MAF: variants seen among roughly 807,000 people sequenced by gnomAD.
The protein encoded by MAF is transcription factor Maf.
A neutral mutation model predicts 22.0 loss-of-function variants in MAF; 10 were observed. The observed-to-expected ratio is 0.45, with a 90% CI of 0.28 to 0.77. The LOEUF is 0.77. Ranked by LOEUF, MAF falls within the 30% of genes least tolerant of loss-of-function variation. The probability of loss-of-function intolerance (pLI) is 0.12; values close to 1 mark genes in which losing one functional copy is unlikely to be tolerated. For synonymous variants in MAF, 337 were observed against 255.8 expected, an observed-to-expected ratio of 1.32 and a Z score of -3.03; for missense variants, 544 against 548.4, an observed-to-expected ratio of 0.99 and a Z score of 0.08.
chr16:79,210,102 A>T, the MAF span, among the ~76,000 whole-genome samples: 4 of 152,204 alleles, frequency 2.6e-5, no homozygotes, highest in Admixed American at 2.6e-4. Flanking sequence ...GCCAGTTATT[A>T]TCAAAACCCA....
chr16:79,205,053 T>A, the MAF span: 2 of 152,220 alleles, frequency 1.3e-5, no homozygotes, highest in African/African-American at 2.4e-5. Context: ...GCATCATATT[T>A]GGGATGGCTG....
chr16:79,482,077 A>G, the MAF span, among the ~76,000 whole-genome samples: 1 of 152,146 alleles, frequency 6.6e-6, no homozygotes, highest in Non-Finnish European at 1.5e-5. Context: ...AAAGAAAAAG[A>G]GATGTGAAAA....
chr16:79,399,136 C>A, the MAF span, among the ~76,000 whole-genome samples: 3 of 152,188 alleles, frequency 2.0e-5, no homozygotes, highest in African/African-American at 7.2e-5. Flanking sequence ...AATGGACAGA[C>A]CTGCCATTGA....
chr16:79,433,277 AATATAT>A, the MAF span, among the ~76,000 whole-genome samples: 9 of 118,926 alleles, frequency 7.6e-5, no homozygotes, highest in Admixed American at 1.6e-4. Flanking sequence ...TAAAAAAAAA[AATATAT>A]ATATATATAT....
At chr16:79,252,497 T>C in the MAF span, among the ~76,000 whole-genome samples, 2 of 152,130 alleles carry the variant, frequency 1.3e-5, no homozygotes, top group African/African-American at 4.8e-5. Flanking sequence ...CGATTTTTTT[T>C]CTTTTTTTTC....
chr16:79,297,589 C>T, the MAF span, among the ~76,000 whole-genome samples: 2 of 152,196 alleles, frequency 1.3e-5, no homozygotes, highest in Non-Finnish European at 2.9e-5. Context: ...TCAGGACTCT[C>T]CTTATAGATT....
At chr16:79,464,769 A>G in the MAF span, among the ~76,000 whole-genome samples, 4 of 152,170 alleles carry the variant, frequency 2.6e-5, no homozygotes, top group African/African-American at 7.2e-5. Flanking sequence ...CCAAAATTAG[A>G]CACGTCCCTG....
the MAF span, among the ~76,000 whole-genome samples, chr16:79,211,343 ATTTAT>A: frequency 6.6e-6 from 1 of 152,082 alleles, no homozygotes; most frequent in Non-Finnish European, 1.5e-5. Context: ...TGATATGTGT[ATTTAT>A]TTTCCAAGCC....
the MAF span, among the ~76,000 whole-genome samples, chr16:79,286,475 A>C: frequency 6.6e-6 from 1 of 152,190 alleles, no homozygotes; most frequent in Non-Finnish European, 1.5e-5. Flanking sequence ...TTCTTGATAC[A>C]TTTGGCAGTA....
the MAF span, among the ~76,000 whole-genome samples, chr16:79,575,991 T>C: frequency 1.3e-5 from 2 of 152,034 alleles, no homozygotes; most frequent in Non-Finnish European, 2.9e-5. Flanking sequence ...AGGGAGCCTA[T>C]GAACACAGTA....
At chr16:79,456,472 C>T in the MAF span, among the ~76,000 whole-genome samples, 3 of 152,200 alleles carry the variant, frequency 2.0e-5, no homozygotes, top group South Asian at 2.1e-4. Flanking sequence ...CAGGGGTCCA[C>T]ATAATCCAGT....
chr16:79,532,956 C>A, the MAF span, among the ~76,000 whole-genome samples: 1 of 152,274 alleles, frequency 6.6e-6, no homozygotes, highest in East Asian at 1.9e-4. Context: ...GGGTCTTTGC[C>A]GACATCTGAC....
the MAF span, among the ~76,000 whole-genome samples, chr16:79,571,497 T>G: frequency 6.6e-6 from 1 of 150,594 alleles, no homozygotes; most frequent in East Asian, 1.9e-4. Context: ...GGTGCAGTAT[T>G]AGCATACTAC....
the MAF span, among the ~76,000 whole-genome samples, chr16:79,333,423 A>C: frequency 6.6e-6 from 1 of 152,166 alleles, no homozygotes; most frequent in Non-Finnish European, 1.5e-5. Flanking sequence ...CAGACCAAAG[A>C]GGACATGACA....
chr16:79,250,588 G>A, the MAF span, among the ~76,000 whole-genome samples: 1 of 152,158 alleles, frequency 6.6e-6, no homozygotes, highest in Non-Finnish European at 1.5e-5. Flanking sequence ...GCTTGGGGAA[G>A]GCTCTACTTC....
At chr16:79,597,047 A>T in intron 1 of MAF, 8 of 1,057,290 alleles carry the variant, frequency 7.6e-6, no homozygotes, top group Non-Finnish European at 9.2e-6. Flanking sequence ...TTTTCAATAC[A>T]GTCAGTGGTA....
chr16:79,213,237 G>C, the MAF span, among the ~76,000 whole-genome samples: 2 of 152,186 alleles, frequency 1.3e-5, no homozygotes, highest in Admixed American at 6.5e-5. Context: ...GATCATGGCA[G>C]CTTCAGGCCA....
At chr16:79,474,599 T>A in the MAF span, among the ~76,000 whole-genome samples, 55,767 of 152,050 alleles carry the variant, frequency 0.37, 11,854 homozygotes, top group Middle Eastern at 0.49. Flanking sequence ...CAGGTGTTAA[T>A]ATAAATGGGT....
At chr16:79,578,522 T>C in the MAF span, among the ~76,000 whole-genome samples, 2 of 152,176 alleles carry the variant, frequency 1.3e-5, no homozygotes, top group East Asian at 1.9e-4. Context: ...CTCTATTCAT[T>C]TCTCATATTA....
Sources: allele counts gnomAD v4.1 joint callset (sites outside exome capture counted in the v4.1 genomes callset), GRCh38; gene constraint gnomAD v4.1.1; transcripts MANE v1.5; gene names NCBI Gene and HGNC (gene_info 2026-07-23, HGNC 2026-07-21).